Variants in CCDC32 observed in about 807,000 individuals in gnomAD.
The protein encoded by CCDC32 is coiled-coil domain-containing protein 32.
Under a neutral mutation model 20.1 loss-of-function variants are expected in CCDC32, and 9 were observed. The observed-to-expected ratio is 0.45, with a 90% CI of 0.27 to 0.78. CCDC32 has a LOEUF of 0.78. Among genes scored for constraint, CCDC32 ranks in the 30% least tolerant of loss-of-function variants. The probability of loss-of-function intolerance (pLI) is 0.16; values close to 1 mark genes in which losing one functional copy is unlikely to be tolerated. For missense variants in CCDC32, 204 were observed against 215.5 expected (o/e 0.95, Z 0.33); for synonymous variants, 63 against 79.0 (o/e 0.80, Z 1.07).
rs1359389214 is a variant in CCDC32 at position 40,543,467 on chromosome 15, T to TG, written c.402-4113_402-4112insC. On this transcript the variant is annotated intron_variant, in intron 3 of 3. Coordinates refer to the CCDC32 transcript ENST00000558113. Reference sequence around the variant, plus strand: ...TTGTTTTTGTTGTTGTTGTTGTTGTTTTTTTGAGACAGAGTCCCACTCTGT... The same window carrying TG: ...TTGTTTTTGTTGTTGTTGTTGTTGTTGTTTTTGAGACAGAGTCCCACTCTGT... 1.6e-3 allele frequency among the ~76,000 whole-genome samples: 242 copies of TG among 152,044 alleles called. 5 individuals carry two copies. The East Asian group carries it at 0.037, about 23-fold the overall frequency.
At chr15:40,530,539 C>CTCTT (rs1446846424), downstream of CCDC32, among the ~76,000 whole-genome samples, 1 of 149,588 alleles carries the variant, frequency 6.7e-6, no homozygotes, top group African/African-American at 2.4e-5. Flanking sequence ...TCCTCTCTCT[C>CTCTT]TCTCTTGCTT....
intron 3 of CCDC32, among the ~76,000 whole-genome samples, chr15:40,542,454 T>A (rs1278948160): frequency 6.6e-6 from 1 of 152,250 alleles, no homozygotes; most frequent in African/African-American, 2.4e-5. Flanking sequence ...CATTGCAGTT[T>A]GTCGATGTTC....
intron 1 of CCDC32, among the ~76,000 whole-genome samples, chr15:40,563,714 G>A (rs1890817203): frequency 6.6e-6 from 1 of 151,568 alleles, no homozygotes; most frequent in African/African-American, 2.4e-5. Context: ...ACACAAATCT[G>A]TAGGGCATTT....
chr15:40,521,192 T>G, the CCDC32 span, among the ~76,000 whole-genome samples: 2 of 152,012 alleles, frequency 1.3e-5, no homozygotes, highest in Non-Finnish European at 2.9e-5. Flanking sequence ...TGTTCAAGAG[T>G]CAACTGTATT....
downstream of CCDC32, chr15:40,552,892 G>T (rs756918328): frequency 6.6e-6 from 1 of 151,800 alleles, no homozygotes; most frequent in Non-Finnish European, 1.5e-5. Context: ...GATCTTTAGG[G>T]ATTTGTAAAC....
rs202227935 is a variant in CCDC32, at chr15:40,562,990, G to C, written c.26C>G (p.Ser9Cys). Residue 9 changes from serine to cysteine, a missense_variant, in exon 2 of 4, where the codon TCT becomes TGT. Coordinates refer to ENST00000416810, the MANE Select transcript of CCDC32 (RefSeq NM_001080792.4). ...ATCCTGGCCAGATCTTGTGGCTGTA[G>C]AGTCAGCGCTCTCAAACATTTTCAT... MKMFESAD[S>C]TATRSGQDLW... The C allele has an allele frequency of 9.3e-6, 15 of 1,614,082 alleles. No homozygotes were observed. In the Admixed American group the frequency reaches 2.5e-4, roughly 27 times the overall value.
At chr15:40,533,879 A>G (rs887036597), downstream of CCDC32, among the ~76,000 whole-genome samples, 1 of 152,138 alleles carries the variant, frequency 6.6e-6, no homozygotes, top group Non-Finnish European at 1.5e-5. Flanking sequence ...CCTGAATAAC[A>G]CATGAAGAAA....
Position 40,540,452 on chromosome 15 carries a change from C to T in CCDC32, c.402-1097G>A, listed in dbSNP as rs375491051. Among the ~76,000 whole-genome samples, 6 of 151,310 alleles carry T rather than the reference C, an allele frequency of 4.0e-5. No homozygotes were observed. In the East Asian group the frequency reaches 1.2e-3, roughly 29 times the overall value. ...GCGTGATATCGGCTCACTGCAACCT[C>T]CGCCTCCTGGGTTCAAGCTATTCTC... On this transcript the variant is annotated intron_variant, in intron 3 of 3. Coordinates refer to the CCDC32 transcript ENST00000558113.
chr15:40,532,862 T>C (rs1032987130), downstream of CCDC32, among the ~76,000 whole-genome samples: 1 of 151,772 alleles, frequency 6.6e-6, no homozygotes, highest in African/African-American at 2.4e-5. Flanking sequence ...CCACCAGACC[T>C]GGCTAATTTT....
chr15:40,552,012 C>A (rs137999519), downstream of CCDC32, among the ~76,000 whole-genome samples: 395 of 151,950 alleles, frequency 2.6e-3, 3 homozygotes, highest in African/African-American at 9.2e-3. Context: ...TAAAAATTAG[C>A]CAGGCATAGT....
chr15:40,545,107 T>C (rs987412230), intron 3 of CCDC32, among the ~76,000 whole-genome samples: 7 of 152,328 alleles, frequency 4.6e-5, no homozygotes, highest in East Asian at 1.9e-4. Flanking sequence ...TTCTAACAAC[T>C]GTGGGTCTCC....
chr15:40,525,710 C>T (rs1005642596), downstream of CCDC32, among the ~76,000 whole-genome samples: 2 of 152,140 alleles, frequency 1.3e-5, no homozygotes, highest in Non-Finnish European at 2.9e-5. Context: ...CTGCCTGACA[C>T]CCCTTGTTTC....
downstream of CCDC32, chr15:40,552,941 G>C: frequency 5.8e-6 from 1 of 172,328 alleles, no homozygotes; most frequent in Non-Finnish European, 1.2e-5. Flanking sequence ...TAAGGCCTCA[G>C]AACACCAAAG....
intron 3 of CCDC32, among the ~76,000 whole-genome samples, chr15:40,555,442 GAA>G (rs1890170611): frequency 6.6e-6 from 1 of 152,206 alleles, no homozygotes; most frequent in Non-Finnish European, 1.5e-5. Context: ...GAGCTGGAGA[GAA>G]GAGAGGTATT....
At chr15:40,532,259 G>A (rs1278643093), downstream of CCDC32, 1 of 703,000 alleles carries the variant, frequency 1.4e-6, no homozygotes, top group East Asian at 2.7e-5. Context: ...CTATTGTCCT[G>A]GCATCAGGTG....
chr15:40,564,345 G>A (rs187840625), intron 1 of CCDC32, among the ~76,000 whole-genome samples: 2 of 152,300 alleles, frequency 1.3e-5, no homozygotes, highest in African/African-American at 4.8e-5. Context: ...AAGTTCAGAA[G>A]GGTAACTTGC....
At chr15:40,555,993 A>G (rs1890206225) in intron 3 of CCDC32, among the ~76,000 whole-genome samples, 1 of 152,224 alleles carries the variant, frequency 6.6e-6, no homozygotes, top group Non-Finnish European at 1.5e-5. Context: ...GCATTGTTCT[A>G]TACCCTTTAC....
rs536270488 is a variant in CCDC32, at chr15:40,560,289, T to C, written c.244+2483A>G. ...TCCCAAAGTGCTGGGATTACAGGCG[T>C]GAGCCACCGTGCCCGGCCTAGGCAA... On this transcript the variant is annotated intron_variant, in intron 2 of 3. Transcript: ENST00000416810. Among the ~76,000 whole-genome samples the C allele has an allele frequency of 3.9e-3, 598 of 152,316 alleles. 10 individuals are homozygous for C. Among genetic ancestry groups the C allele is most frequent in the African/African-American group, 0.014 (566 of 41,568 alleles).
In CCDC32 at chr15:40,547,996, T is replaced by A. The variant is rs567743630; in HGVS notation, c.402-8641A>T. ...TACAAATTTGTTAACATTTTTATTG[T>A]CTTTTTCTTACCCACTTGTAAGACA... is the stretch of plus-strand genomic sequence containing the variant. On this transcript the variant is annotated intron_variant, in intron 3 of 3. Coordinates refer to the CCDC32 transcript ENST00000558113. Among the ~76,000 whole-genome samples the A allele has an allele frequency of 2.6e-5, 4 of 152,380 alleles. No homozygotes were observed. In the South Asian group the frequency reaches 8.3e-4, roughly 32 times the overall value.
Sources: allele counts gnomAD v4.1 joint callset (sites outside exome capture counted in the v4.1 genomes callset), GRCh38; gene constraint gnomAD v4.1.1; transcripts MANE v1.5; gene names NCBI Gene and HGNC (gene_info 2026-07-23, HGNC 2026-07-21).